ABHD4: variants seen among roughly 807,000 people sequenced by gnomAD.
ABHD4 encodes abhydrolase domain containing 4, N-acyl phospholipase B.
In ABHD4, 35 loss-of-function variants were observed where a neutral mutation model predicts 42.3. That is an observed-to-expected ratio of 0.83 (90% confidence interval 0.63 to 1.10). The LOEUF (loss-of-function observed/expected upper bound fraction) is 1.10, where lower values mean the gene tolerates loss of function less well. Ranked by LOEUF, ABHD4 falls within the 50% of genes least tolerant of loss-of-function variation. The pLI is 0.00. For missense variants in ABHD4, 389 were observed against 454.8 expected (o/e 0.86, Z 1.32); for synonymous variants, 169 against 170.6 (o/e 0.99, Z 0.07).
chr14:22,609,838 C>T lies in ABHD4; in HGVS notation c.867C>T (p.Ser289=), dbSNP rs150961383. 332 of 1,614,022 alleles carry T rather than the reference C, an allele frequency of 2.1e-4. 1 individual carries two copies. The African/African-American group carries it at 3.9e-3, about 19-fold the overall frequency. ...KDVPITMIYG[S]DTWIDTSTGK... is the part of the protein sequence containing the mutation. ...TGCCTATCACTATGATCTACGGGTC[C>T]GACACCTGGATAGATACCAGTACGG... The change falls in exon 6 of 7, where the codon TCC becomes TCT. Residue 289 remains serine (S), a synonymous_variant. Transcript: ENST00000428304.
intron 1 of ABHD4, chr14:22,600,129 C>T (rs2037265078): frequency 2.2e-6 from 1 of 454,848 alleles, no homozygotes; most frequent in African/African-American, 2.0e-5. Flanking sequence ...TTATTACCTC[C>T]CTTTTAAAGA....
chr14:22,601,524 T>G (rs968359830), intron 1 of ABHD4, 143 bp from the exon 2 acceptor site: 35 of 690,384 alleles, frequency 5.1e-5, no homozygotes, highest in Non-Finnish European at 8.2e-5. Flanking sequence ...GCTAGGGAAC[T>G]GCTGCCTGCC....
rs563272784 is a variant in ABHD4, at chr14:22,601,590, G to A, written c.24-77G>A. On this transcript the variant is annotated intron_variant, in intron 1 of 6. Transcript: ENST00000428304. ...CACCCTGCTTCCTGAGAACTCTTTT[G>A]TAACTCTCAGCAAGGCTAAGAGCAT... 398 of 1,402,534 alleles carry A rather than the reference G, an allele frequency of 2.8e-4. 3 individuals are homozygous for A. In the South Asian group the frequency reaches 4.3e-3, roughly 15 times the overall value. 86.9% of individuals were successfully genotyped at this position (1,402,534 alleles called of 1,614,324 possible).
At position 22,606,428 on chromosome 14, in the gene ABHD4, G is replaced by A. The variant is rs557934701; in HGVS notation, c.647G>A (p.Gly216Asp). The A allele has an allele frequency of 8.1e-6, 13 of 1,611,390 alleles. No homozygotes were observed. In the African/African-American group the frequency reaches 1.6e-4, roughly 20 times the overall value. ...TTTTTCTATCCCCTCCCAGGGCCTG[G>A]TCTGGTGCAGCGATTCCGGCCGGAC... ...VLRVAGPWGP[G>D]LVQRFRPDFK... The change falls in exon 5 of 7, where the codon GGT becomes GAT. Residue 216 changes from glycine (G) to aspartate (D), a missense_variant. Coordinates refer to ENST00000428304, the MANE Select transcript of ABHD4 (RefSeq NM_022060.3).
chr14:22,600,684 T>C (rs1453833433), intron 1 of ABHD4, among the ~76,000 whole-genome samples: 1 of 152,204 alleles, frequency 6.6e-6, no homozygotes. Flanking sequence ...CAAGGAATAA[T>C]ACAAACTGTC....
intron 6 of ABHD4, among the ~76,000 whole-genome samples, 172 bp from the exon 7 acceptor site, chr14:22,610,687 A>T (rs1319532941): frequency 6.6e-6 from 1 of 152,226 alleles, no homozygotes; most frequent in Non-Finnish European, 1.5e-5. Flanking sequence ...ATGGGAAAGC[A>T]TTGGCTGTCA....
intron 5 of ABHD4, 129 bp downstream of exon 5, chr14:22,606,662 A>G: frequency 1.6e-6 from 1 of 640,618 alleles, no homozygotes; most frequent in Non-Finnish European, 2.7e-6. Flanking sequence ...CACAGGCACT[A>G]GCAAGCCTGA....
At position 22,611,018 on chromosome 14, in the gene ABHD4, A is replaced by G; in HGVS notation, c.*70A>G. 7.2e-7 allele frequency: 1 copy of G among 1,389,258 alleles called. No individual in the cohort carries two copies. Among genetic ancestry groups the G allele is most frequent in the East Asian group, 2.3e-5 (1 of 42,910 alleles). 86.1% of individuals were successfully genotyped at this position (1,389,258 alleles called of 1,614,324 possible). A position where few individuals can be genotyped will look rare whatever the true frequency, so the allele number is the denominator to read the frequency against. On this transcript the variant is annotated 3_prime_UTR_variant, in exon 7 of 7. Coordinates refer to ENST00000428304, the MANE Select transcript of ABHD4 (RefSeq NM_022060.3). ...TACCTCCCTGTCTGCTTACTCACCC[A>G]CTCTGTCCTTTCCTCACCAACTAAC...
At position 22,603,969 on chromosome 14, in the gene ABHD4, G is replaced by A. The variant is rs368160917; in HGVS notation, c.530G>A (p.Arg177Gln). Reference protein sequence around the residue: ...ILVDPWGFPLRPTNPSEIRAP... With the variant: ...ILVDPWGFPLQPTNPSEIRAP... Reference sequence around the variant, plus strand: ...GTGGACCCATGGGGCTTTCCCCTCCGACCAACTAACCCCAGTGAGATCCGT... The same window carrying A: ...GTGGACCCATGGGGCTTTCCCCTCCAACCAACTAACCCCAGTGAGATCCGT... The change falls in exon 4 of 7, where the codon CGA becomes CAA. Residue 177 changes from arginine to glutamine, a missense_variant. By Grantham distance (43) the Arg-to-Gln change is conservative. Around this residue, in one of 3 missense-constraint regions of ABHD4, gnomAD observed 249 missense variants for 254.4 expected, o/e 0.98. Coordinates refer to ENST00000428304, the MANE Select transcript of ABHD4 (RefSeq NM_022060.3). The A allele has an allele frequency of 6.2e-6, 10 of 1,613,992 alleles. No individual in the cohort carries two copies. Among genetic ancestry groups the A allele is most frequent in the East Asian group, 2.2e-5 (1 of 44,878 alleles).
At position 22,611,243 on chromosome 14, in the gene ABHD4, G is replaced by A; in HGVS notation, c.*295G>A. 1 of 372,128 alleles carries A rather than the reference G, an allele frequency of 2.7e-6. No homozygotes were observed. The highest frequency in any genetic ancestry group is 5.1e-6 in the Non-Finnish European group (1 of 197,026). 23.1% of individuals were successfully genotyped at this position (372,128 alleles called of 1,614,324 possible). A position where few individuals can be genotyped will look rare whatever the true frequency, so the allele number is the denominator to read the frequency against. On this transcript the variant is annotated 3_prime_UTR_variant, in exon 7 of 7. Transcript: ENST00000428304. ...TTACCCAGATGGTGGAGGATGTGAA[G>A]GGATTGCACCAAGCCACATTCACTC...
rs950821188 is a variant in ABHD4 at position 22,611,067 on chromosome 14, G to A, written c.*119G>A. On this transcript the variant is annotated 3_prime_UTR_variant, in exon 7 of 7. Transcript: ENST00000428304. The stretch of plus-strand genomic sequence containing the variant: ...ACATGTGCCAGCCAGGCAGAGTCTT[G>A]TGCTGTTCCCAGAACAGGACGACAG... The A allele has an allele frequency of 9.2e-6, 8 of 865,982 alleles. No individual in the cohort carries two copies. In the African/African-American group the frequency reaches 1.0e-4, roughly 11 times the overall value. The allele number at this position is 865,982 out of a possible 1,614,324, so 53.6% of individuals were successfully genotyped here.
intron 4 of ABHD4, chr14:22,605,937 G>A: frequency 1.2e-6 from 1 of 851,798 alleles, no homozygotes; most frequent in Non-Finnish European, 1.7e-6. Flanking sequence ...AGACACGATT[G>A]TGTTTAGTTC....
At chr14:22,606,361 A>G (rs1008089249) in intron 4 of ABHD4, 61 bp from the exon 5 acceptor site, 2 of 1,082,068 alleles carry the variant, frequency 1.8e-6, no homozygotes, top group Non-Finnish European at 2.8e-6. Flanking sequence ...ATACACAGGC[A>G]GGAGTCTTCC....
In ABHD4 at chr14:22,606,451, G is replaced by A; in HGVS notation, c.670G>A (p.Asp224Asn). 6.2e-7 allele frequency: 1 copy of A among 1,613,342 alleles called. No individual in the cohort carries two copies. The highest frequency in any genetic ancestry group is 8.5e-7 in the Non-Finnish European group (1 of 1,179,784). ...GPGLVQRFRP[D>N]FKRKFADFFE... ...TGGTCTGGTGCAGCGATTCCGGCCG[G>A]ACTTCAAACGCAAGTTTGCAGACTT... Residue 224 changes from aspartate to asparagine, a missense_variant, in exon 5 of 7, where the codon GAC becomes AAC. Transcript: ENST00000428304.
chr14:22,609,770 C>G lies in ABHD4; in HGVS notation c.799C>G (p.Arg267Gly). The G allele has an allele frequency of 6.2e-7, 1 of 1,614,070 alleles. No homozygotes were observed. Residue 267 changes from arginine (R) to glycine (G), a missense_variant, in exon 6 of 7, where the codon CGG becomes GGG. Arg to Gly is a moderately radical substitution (Grantham distance 125). Coordinates refer to ENST00000428304, the MANE Select transcript of ABHD4 (RefSeq NM_022060.3). ...KAMMESFGWA[R>G]RPMLERIHLI... ...CATGATGGAGTCCTTTGGCTGGGCC[C>G]GGCGCCCTATGCTGGAGCGAATTCA...
intron 4 of ABHD4, 44 bp downstream of exon 4, chr14:22,604,123 C>A: frequency 1.3e-6 from 2 of 1,597,300 alleles, no homozygotes; most frequent in Admixed American, 1.7e-5. Context: ...CTATAACGTT[C>A]TAGAAGGCCC....
chr14:22,599,648 G>C (rs968023062), intron 1 of ABHD4, among the ~76,000 whole-genome samples: 14 of 152,206 alleles, frequency 9.2e-5, no homozygotes, highest in African/African-American at 3.4e-4. Context: ...AGCAGTCTAT[G>C]ATGCTGTTCC....
At chr14:22,598,706 C>G (rs2037246526) in intron 1 of ABHD4, 2 of 391,510 alleles carry the variant, frequency 5.1e-6, no homozygotes, top group South Asian at 2.1e-5. Flanking sequence ...CTCGACTTGC[C>G]CCCCAGAACG....
intron 1 of ABHD4, among the ~76,000 whole-genome samples, chr14:22,600,905 T>C (rs1158483538): frequency 6.6e-6 from 1 of 151,562 alleles, no homozygotes; most frequent in African/African-American, 2.4e-5. Context: ...TTTTAACCTC[T>C]ACCTTGCAAT....
Sources: gnomAD v4.1 joint callset for allele counts (sites outside exome capture counted in the v4.1 genomes callset) on GRCh38, gnomAD v4.1.1 for gene constraint, gnomAD v4.1.1 regional missense constraint, MANE v1.5 for transcripts, NCBI Gene and HGNC (gene_info 2026-07-23, HGNC 2026-07-21) for gene names.